The following PARD3B variants were observed in gnomAD, a reference collection of about 807,000 sequenced individuals.
PARD3B encodes the protein par-3 family cell polarity regulator beta, also known as partitioning defective 3 homolog B.
A neutral mutation model predicts 130.2 loss-of-function variants in PARD3B; 103 were observed. The observed-to-expected ratio is 0.79, with a 90% CI of 0.67 to 0.93. The LOEUF is 0.93. PARD3B is among the 40% of genes least tolerant of loss of function. The pLI is 0.00. For missense variants in PARD3B, 1,609 were observed against 1,499.2 expected (o/e 1.07, Z -1.21); for synonymous variants, 583 against 553.2 (o/e 1.05, Z -0.76).
chr2:204,830,536 C>A (rs1461895730), intron 2 of PARD3B, among the ~76,000 whole-genome samples: 1 of 152,130 alleles, frequency 6.6e-6, no homozygotes, highest in Non-Finnish European at 1.5e-5. Context: ...TGTATGGACA[C>A]CTGGCATGTA....
chr2:204,766,592 T>A (rs1574931305), intron 2 of PARD3B, among the ~76,000 whole-genome samples: 1 of 152,214 alleles, frequency 6.6e-6, no homozygotes, highest in East Asian at 1.9e-4. Context: ...TTTGATTTCC[T>A]TGACAAATCT....
At position 205,461,020 on chromosome 2, in the gene PARD3B, T is replaced by A. The variant is rs751542873; in HGVS notation, c.3044+20348T>A. On this transcript the variant is annotated intron_variant, in intron 20 of 22. Transcript: ENST00000406610. The surrounding 1 kb of genome is among the most constrained non-coding windows in gnomAD (Gnocchi z 4.3). Reference sequence around the variant, plus strand: ...ATTTCCATAACATTCATTAAATTAATGAATCTCCATTCAACAGATATTTAT... The same window carrying A: ...ATTTCCATAACATTCATTAAATTAAAGAATCTCCATTCAACAGATATTTAT... 1.4e-4 allele frequency among the ~76,000 whole-genome samples: 22 copies of A among 152,188 alleles called. No individual in the cohort carries two copies. The highest frequency in any genetic ancestry group is 4.1e-4 in the South Asian group (2 of 4,834).
chr2:204,901,039 C>A (rs2046837419), intron 2 of PARD3B, among the ~76,000 whole-genome samples: 1 of 152,018 alleles, frequency 6.6e-6, no homozygotes, highest in Non-Finnish European at 1.5e-5. Context: ...ACCCTTGTGG[C>A]CATCATTACT....
chr2:205,573,578 C>A (rs2053635397), intron 22 of PARD3B, among the ~76,000 whole-genome samples: 1 of 152,168 alleles, frequency 6.6e-6, no homozygotes, highest in Non-Finnish European at 1.5e-5. Flanking sequence ...AGAATTTAAA[C>A]TGAATCCTTG....
At position 205,015,006 on chromosome 2, in the gene PARD3B, A is replaced by G. The variant is rs1696021511; in HGVS notation, c.395-32575A>G. Among the ~76,000 whole-genome samples the G allele has an allele frequency of 6.6e-6, 1 of 152,126 alleles. No homozygotes were observed. Among genetic ancestry groups the G allele is most frequent in the Non-Finnish European group, 1.5e-5 (1 of 68,026 alleles). On this transcript the variant is annotated intron_variant, in intron 3 of 22. Coordinates refer to ENST00000406610, the MANE Select transcript of PARD3B (RefSeq NM_001302769.2). The surrounding 1 kb of genome is among the most constrained non-coding windows in gnomAD (Gnocchi z 4.5). ...GCAGTTGACTGTCGAACAATGTGAG[A>G]GTTAGGGTTACAGGGCCCACATACA...
intron 21 of PARD3B, among the ~76,000 whole-genome samples, chr2:205,544,537 C>A (rs2052303223): frequency 6.6e-6 from 1 of 152,088 alleles, no homozygotes; most frequent in Non-Finnish European, 1.5e-5. Context: ...TCTATGGTAA[C>A]TGTATCTTAG....
chr2:205,185,683 T>A, intron 13 of PARD3B, 81 bp from the exon 14 acceptor site: 4 of 1,167,622 alleles, frequency 3.4e-6, no homozygotes, highest in Non-Finnish European at 1.3e-6. Flanking sequence ...AAACTGCGTC[T>A]GAGAGAGATA....
At chr2:205,247,462 A>T (rs2039619324) in intron 16 of PARD3B, among the ~76,000 whole-genome samples, 1 of 152,220 alleles carries the variant, frequency 6.6e-6, no homozygotes, top group Admixed American at 6.5e-5. Flanking sequence ...AGAATTTTAA[A>T]GCTGTCACAC....
chr2:204,934,783 G>T (rs559503116), intron 2 of PARD3B, among the ~76,000 whole-genome samples: 78 of 152,266 alleles, frequency 5.1e-4, no homozygotes, highest in African/African-American at 1.8e-3. Context: ...TGGGAACGGG[G>T]TAAGTATTTA....
Position 204,811,336 on chromosome 2 carries a change from T to C in PARD3B, c.222+125054T>C, listed in dbSNP as rs534717577. ...ATAGAAGGTCTTGAAGTACTTAGTA[T>C]AAACTGCCCATTTTATTTCTTATGT... is the stretch of plus-strand genomic sequence containing the variant. On this transcript the variant is annotated intron_variant, in intron 2 of 22. Transcript: ENST00000406610. Among the ~76,000 whole-genome samples the C allele has an allele frequency of 8.6e-4, 131 of 152,306 alleles. 1 individual carries two copies. The highest frequency in any genetic ancestry group is 2.6e-3 in the Admixed American group (40 of 15,294).
At chr2:205,443,288 G>A (rs920018435) in intron 20 of PARD3B, among the ~76,000 whole-genome samples, 3 of 152,114 alleles carry the variant, frequency 2.0e-5, no homozygotes, top group Non-Finnish European at 2.9e-5. Context: ...CATACCATAC[G>A]TACTGTTAGA....
intron 4 of PARD3B, among the ~76,000 whole-genome samples, chr2:205,093,858 G>T (rs964561882): frequency 4.6e-5 from 7 of 152,210 alleles, no homozygotes; most frequent in Admixed American, 2.6e-4. Context: ...AGCTACTTTT[G>T]CAGAGTCTCT....
chr2:205,115,006 G>C (rs1703927976), intron 6 of PARD3B, among the ~76,000 whole-genome samples: 1 of 152,088 alleles, frequency 6.6e-6, no homozygotes, highest in Non-Finnish European at 1.5e-5. Context: ...ACAGAATTTT[G>C]TGAACTACCA....
At chr2:205,143,248 T>C (rs931461505) in intron 10 of PARD3B, among the ~76,000 whole-genome samples, 1 of 152,178 alleles carries the variant, frequency 6.6e-6, no homozygotes, top group African/African-American at 2.4e-5. Context: ...ATCAGGGAAA[T>C]GATTGACTAA....
chr2:204,653,592 A>C (rs2035553367), intron 1 of PARD3B, among the ~76,000 whole-genome samples: 1 of 150,578 alleles, frequency 6.6e-6, no homozygotes, highest in Non-Finnish European at 1.5e-5. Flanking sequence ...GGAGTTTGAG[A>C]CCAGCCTGAC....
intron 1 of PARD3B, among the ~76,000 whole-genome samples, chr2:204,578,756 G>A (rs999214905): frequency 2.6e-5 from 4 of 152,086 alleles, no homozygotes; most frequent in East Asian, 1.9e-4. Context: ...GTCCTGATAC[G>A]TTGCTGTTTG....
intron 2 of PARD3B, among the ~76,000 whole-genome samples, chr2:204,849,641 G>T (rs1401495443): frequency 1.3e-5 from 2 of 152,132 alleles, no homozygotes; most frequent in Non-Finnish European, 2.9e-5. Flanking sequence ...GCCTTCATGG[G>T]CATCTAATAA....
In PARD3B at chr2:205,142,838, A is replaced by G. The variant is rs2033072971; in HGVS notation, c.1435-15884A>G. ...GGTTGCAGTGAGCCGAGATCACGCC[A>G]TTGCACTCCAGCCTGGGTGACAGGA... On this transcript the variant is annotated intron_variant, in intron 10 of 22. Transcript: ENST00000406610. The surrounding 1 kb of genome is among the most constrained non-coding windows in gnomAD (Gnocchi z 4.3). Among the ~76,000 whole-genome samples, 1 of 152,196 alleles carries G rather than the reference A, an allele frequency of 6.6e-6. No homozygotes were observed. Among genetic ancestry groups the G allele is most frequent in the Admixed American group, 6.5e-5 (1 of 15,276 alleles).
chr2:205,194,950 ATTTTTTT>A (rs56836818), intron 15 of PARD3B, among the ~76,000 whole-genome samples: 2 of 111,224 alleles, frequency 1.8e-5, no homozygotes, highest in East Asian at 5.4e-4. Flanking sequence ...CGCCAGGCTA[ATTTTTTT>A]TTTTTTTTTT....
Sources: allele counts gnomAD v4.1 joint callset (sites outside exome capture counted in the v4.1 genomes callset), GRCh38; gene constraint gnomAD v4.1.1; non-coding constraint Gnocchi (gnomAD v3.1); transcripts MANE v1.5; gene names NCBI Gene and HGNC (gene_info 2026-07-23, HGNC 2026-07-21).